TMEM209: variants seen among roughly 807,000 people sequenced by gnomAD.
TMEM209 encodes testicular tissue protein Li 202.
TMEM209 carries 65 observed loss-of-function variants against 76.2 expected under a neutral mutation model. That is an observed-to-expected ratio of 0.85 (90% CI 0.70 to 1.05). The LOEUF (loss-of-function observed/expected upper bound fraction) is 1.05, where lower values mean the gene tolerates loss of function less well. TMEM209 is among the 50% of genes least tolerant of loss of function. The pLI is 0.00. For synonymous variants in TMEM209, 239 were observed against 237.6 expected (o/e 1.01, Z -0.06); for missense variants, 623 against 685.5 (o/e 0.91, Z 1.02).
intron 10 of TMEM209, among the ~76,000 whole-genome samples, chr7:130,177,797 T>C (rs922997075): frequency 1.3e-5 from 2 of 152,152 alleles, no homozygotes; most frequent in Admixed American, 6.5e-5. Context: ...ATGAAAAATG[T>C]TTATTCCTGA....
intron 6 of TMEM209, among the ~76,000 whole-genome samples, chr7:130,186,513 T>TTTCTGTC (rs1797602638): frequency 6.6e-6 from 1 of 152,174 alleles, no homozygotes. Flanking sequence ...AATGATTTAA[T>TTTCTGTC]AAATAGAGAA....
At chr7:130,186,897 C>T (rs1562892127) in intron 6 of TMEM209, among the ~76,000 whole-genome samples, 2 of 152,170 alleles carry the variant, frequency 1.3e-5, no homozygotes, top group African/African-American at 2.4e-5. Flanking sequence ...GGAAACCAGA[C>T]AACCTAAAAC....
At position 130,165,612 on chromosome 7, in the gene TMEM209, T is replaced by C. The variant is rs1248007405; in HGVS notation, c.*839A>G. On this transcript the variant is annotated 3_prime_UTR_variant, in exon 15 of 15. Coordinates refer to ENST00000397622, the MANE Select transcript of TMEM209 (RefSeq NM_032842.4). ...CCTCCTTTAATAATATTTTAAAATA[T>C]ACATAAACTTAATACATTACTTAAG... 1 of 151,226 alleles carries C rather than the reference T, an allele frequency of 6.6e-6. No homozygotes were observed. The highest frequency in any genetic ancestry group is 1.5e-5 in the Non-Finnish European group (1 of 67,920). 9.4% of individuals were successfully genotyped at this position (151,226 alleles called of 1,614,324 possible).
chr7:130,187,314 A>C (rs1414861783), intron 6 of TMEM209, among the ~76,000 whole-genome samples: 1 of 152,160 alleles, frequency 6.6e-6, no homozygotes, highest in Non-Finnish European at 1.5e-5. Flanking sequence ...CTTGCAAAAA[A>C]GTAAGGCTAT....
At chr7:130,198,064 C>G (rs1798051592) in intron 5 of TMEM209, among the ~76,000 whole-genome samples, 1 of 152,208 alleles carries the variant, frequency 6.6e-6, no homozygotes, top group Non-Finnish European at 1.5e-5. Flanking sequence ...AATCAATCCC[C>G]TTTTCTCCTT....
intron 5 of TMEM209, among the ~76,000 whole-genome samples, chr7:130,200,155 A>C (rs11763668): frequency 0.27 from 41,149 of 151,620 alleles, 6,311 homozygotes; most frequent in African/African-American, 0.41. Flanking sequence ...CTCTCTCTAT[A>C]TATATATATA....
At position 130,175,715 on chromosome 7, in the gene TMEM209, G is replaced by T. The variant is rs1025103981; in HGVS notation, c.1247-106C>A. Reference sequence around the variant, plus strand: ...GGGAAGCAAATCATTTAAAAAACTTGATCAAAACACCCAAACCTAAAGAAA... The same window carrying T: ...GGGAAGCAAATCATTTAAAAAACTTTATCAAAACACCCAAACCTAAAGAAA... On this transcript the variant is annotated intron_variant, in intron 10 of 14. Transcript: ENST00000397622. 3 of 823,072 alleles carry T rather than the reference G, an allele frequency of 3.6e-6. No homozygotes were observed. The Admixed American group carries it at 9.0e-5, about 25-fold the overall frequency. The allele number at this position is 823,072 out of a possible 1,614,324, so 51.0% of individuals were successfully genotyped here.
intron 5 of TMEM209, among the ~76,000 whole-genome samples, chr7:130,194,198 CAAA>C (rs577499976): frequency 2.8e-5 from 3 of 105,338 alleles, no homozygotes; most frequent in African/African-American, 3.6e-5. Context: ...GACTCCGTCT[CAAA>C]AAAAAAAAAA....
At chr7:130,176,184 C>T (rs1448731082) in intron 10 of TMEM209, among the ~76,000 whole-genome samples, 1 of 149,228 alleles carries the variant, frequency 6.7e-6, no homozygotes, top group African/African-American at 2.5e-5. Context: ...GTGATCTCGG[C>T]TCACTGCAAG....
intron 1 of TMEM209, among the ~76,000 whole-genome samples, chr7:130,204,501 C>A (rs1798354932): frequency 6.6e-6 from 1 of 152,168 alleles, no homozygotes; most frequent in South Asian, 2.1e-4. Context: ...GCCACCGCGT[C>A]CGACTGATTT....
chr7:130,170,447 C>T lies in TMEM209; in HGVS notation c.1584G>A (p.Leu528=). 6.2e-7 allele frequency: 1 copy of T among 1,612,802 alleles called. No individual in the cohort carries two copies. The highest frequency in any genetic ancestry group is 8.5e-7 in the Non-Finnish European group (1 of 1,179,588). The change falls in exon 14 of 15, where the codon TTG becomes TTA. Residue 528 remains leucine, a synonymous_variant. Coordinates refer to ENST00000397622, the MANE Select transcript of TMEM209 (RefSeq NM_032842.4). ...PKGRNNMFHT[L]LMFLYIIKTK... ...TCTTTATGATGTAGAGAAACATCAA[C>T]AATGTATGAAACATATTATTTCTGC...
intron 13 of TMEM209, among the ~76,000 whole-genome samples, chr7:130,170,867 C>T (rs1468682774): frequency 6.7e-6 from 1 of 149,134 alleles, no homozygotes; most frequent in Non-Finnish European, 1.5e-5. Flanking sequence ...CTCGCTGTGT[C>T]GTCCAGGCTG....
At chr7:130,176,470 T>A (rs185299491) in intron 10 of TMEM209, among the ~76,000 whole-genome samples, 2 of 152,320 alleles carry the variant, frequency 1.3e-5, no homozygotes, top group Admixed American at 1.3e-4. Flanking sequence ...AACCTTTATA[T>A]ACTTTGTATA....
intron 9 of TMEM209, among the ~76,000 whole-genome samples, chr7:130,180,396 C>T (rs1018509344): frequency 2.6e-5 from 4 of 151,810 alleles, no homozygotes; most frequent in African/African-American, 9.7e-5. Flanking sequence ...GAGACAAAGT[C>T]TCAAAGTCTC....
chr7:130,173,951 G>T lies in TMEM209; in HGVS notation c.1345-12C>A. Reference sequence around the variant, plus strand: ...ACATGCATGATGATCTGAGGATGAAGAAATAATTTTTTTTTAAGTCAGCAT... The same window carrying T: ...ACATGCATGATGATCTGAGGATGAATAAATAATTTTTTTTTAAGTCAGCAT... On this transcript the variant is annotated splice_polypyrimidine_tract_variant and intron_variant, in intron 11 of 14. Coordinates refer to ENST00000397622, the MANE Select transcript of TMEM209 (RefSeq NM_032842.4). 6.5e-7 allele frequency: 1 copy of T among 1,547,882 alleles called. No homozygotes were observed. Among genetic ancestry groups the T allele is most frequent in the Non-Finnish European group, 8.9e-7 (1 of 1,120,458 alleles).
intron 5 of TMEM209, among the ~76,000 whole-genome samples, chr7:130,199,059 A>G (rs763626055): frequency 5.9e-5 from 9 of 152,172 alleles, no homozygotes; most frequent in African/African-American, 1.9e-4. Context: ...GTATTATTCA[A>G]TATACAGGGA....
At chr7:130,177,389 G>T (rs1318761794) in intron 10 of TMEM209, among the ~76,000 whole-genome samples, 1 of 151,502 alleles carries the variant, frequency 6.6e-6, no homozygotes, top group East Asian at 1.9e-4. Flanking sequence ...TTCTGGTTAT[G>T]TATGTTTGTA....
chr7:130,188,475 A>C (rs1287882018), intron 6 of TMEM209, among the ~76,000 whole-genome samples: 4 of 151,694 alleles, frequency 2.6e-5, no homozygotes, highest in Non-Finnish European at 5.9e-5. Flanking sequence ...AGGCACCTGT[A>C]GTCCCAGCTA....
intron 1 of TMEM209, among the ~76,000 whole-genome samples, chr7:130,204,444 C>A (rs1312144244): frequency 6.6e-6 from 1 of 152,144 alleles, no homozygotes; most frequent in Non-Finnish European, 1.5e-5. Flanking sequence ...CGGGTTCAAG[C>A]GATTCTCCTG....
Sources: allele counts gnomAD v4.1 joint callset (sites outside exome capture counted in the v4.1 genomes callset), GRCh38; gene constraint gnomAD v4.1.1; transcripts MANE v1.5; gene names NCBI Gene and HGNC (gene_info 2026-07-23, HGNC 2026-07-21).